The following ARHGAP15 variants were observed in gnomAD, a reference collection of about 807,000 sequenced individuals.
ARHGAP15 encodes the protein rho GTPase-activating protein 15.
A neutral mutation model predicts 63.7 loss-of-function variants in ARHGAP15; 51 were observed. That is an observed-to-expected ratio of 0.80 (90% CI 0.64 to 1.01). ARHGAP15 has a LOEUF of 1.01. Ranked by LOEUF, ARHGAP15 falls within the 50% of genes least tolerant of loss-of-function variation. The pLI is 0.00. For missense variants in ARHGAP15, 560 were observed against 564.6 expected, an observed-to-expected ratio of 0.99 and a Z score of 0.08; for synonymous variants, 191 against 193.8, an observed-to-expected ratio of 0.99 and a Z score of 0.12.
intron 6 of ARHGAP15, among the ~76,000 whole-genome samples, chr2:143,407,580 G>T (rs1688253311): frequency 6.6e-6 from 1 of 151,672 alleles, no homozygotes; most frequent in Non-Finnish European, 1.5e-5. Context: ...GTAGATATTG[G>T]TTTTTTGTTG....
At chr2:143,725,482 T>A (rs928983795) in intron 13 of ARHGAP15, among the ~76,000 whole-genome samples, 1 of 152,236 alleles carries the variant, frequency 6.6e-6, no homozygotes, top group Non-Finnish European at 1.5e-5. Context: ...ATTATCACAA[T>A]TTGAGGATTA....
At chr2:143,742,868 C>T (rs1686013616) in intron 13 of ARHGAP15, among the ~76,000 whole-genome samples, 1 of 152,208 alleles carries the variant, frequency 6.6e-6, no homozygotes, top group African/African-American at 2.4e-5. Context: ...AAAGCCATAA[C>T]CACGACTGCT....
At chr2:143,404,836 G>A (rs1017369064) in intron 6 of ARHGAP15, among the ~76,000 whole-genome samples, 4 of 151,896 alleles carry the variant, frequency 2.6e-5, no homozygotes, top group African/African-American at 9.7e-5. Flanking sequence ...AGTAAATAAC[G>A]GGACTCGTGA....
chr2:143,485,121 G>C (rs1471513203), intron 8 of ARHGAP15, among the ~76,000 whole-genome samples: 1 of 152,134 alleles, frequency 6.6e-6, no homozygotes, highest in African/African-American at 2.4e-5. Flanking sequence ...CATGTGCAGA[G>C]TGTACAGGTT....
chr2:143,317,000 T>G (rs148034002), intron 6 of ARHGAP15, among the ~76,000 whole-genome samples: 303 of 152,280 alleles, frequency 2.0e-3, no homozygotes, highest in African/African-American at 7.0e-3. Flanking sequence ...TCAAATAAAC[T>G]TTTCCTGATT....
chr2:143,491,417 T>C (rs954144601), intron 9 of ARHGAP15, among the ~76,000 whole-genome samples: 7 of 152,242 alleles, frequency 4.6e-5, no homozygotes, highest in Admixed American at 3.3e-4. Context: ...TATGCCCTTA[T>C]GTCAAAATAA....
At chr2:143,419,942 G>C (rs190625347) in intron 6 of ARHGAP15, among the ~76,000 whole-genome samples, 1 of 151,984 alleles carries the variant, frequency 6.6e-6, no homozygotes, top group Admixed American at 6.6e-5. Flanking sequence ...TGTTTTAAAG[G>C]CTTCATCTAA....
chr2:143,312,574 G>C (rs756391653), intron 6 of ARHGAP15, among the ~76,000 whole-genome samples: 7 of 151,966 alleles, frequency 4.6e-5, no homozygotes, highest in Non-Finnish European at 1.0e-4. Context: ...TTTTTTTATA[G>C]TGTATGTTCT....
chr2:143,240,967 G>C (rs1336545038), intron 5 of ARHGAP15, among the ~76,000 whole-genome samples: 2 of 152,066 alleles, frequency 1.3e-5, no homozygotes, highest in East Asian at 3.8e-4. Flanking sequence ...AAATGGATCA[G>C]AGCTTACTGT....
At chr2:143,678,488 T>C (rs975722969) in intron 12 of ARHGAP15, among the ~76,000 whole-genome samples, 1 of 152,200 alleles carries the variant, frequency 6.6e-6, no homozygotes, top group Non-Finnish European at 1.5e-5. Context: ...TCCAACCAAG[T>C]TTGTTCCTTT....
chr2:143,286,373 A>G (rs1245643452), intron 6 of ARHGAP15, among the ~76,000 whole-genome samples: 2 of 152,202 alleles, frequency 1.3e-5, no homozygotes, highest in Non-Finnish European at 1.5e-5. Flanking sequence ...TCCTCTATCC[A>G]TTTTACACAC....
chr2:143,147,924 G>A (rs1052215496), intron 1 of ARHGAP15, among the ~76,000 whole-genome samples: 1 of 152,034 alleles, frequency 6.6e-6, no homozygotes, highest in African/African-American at 2.4e-5. Context: ...GGCCTCAGGG[G>A]TCAAGGATTC....
At chr2:143,733,233 C>T (rs1272967363) in intron 13 of ARHGAP15, among the ~76,000 whole-genome samples, 1 of 152,098 alleles carries the variant, frequency 6.6e-6, no homozygotes, top group Non-Finnish European at 1.5e-5. Context: ...GCTCCATCAG[C>T]GAGCATCATT....
chr2:143,171,527 G>T (rs1690780372), intron 2 of ARHGAP15, among the ~76,000 whole-genome samples: 1 of 152,070 alleles, frequency 6.6e-6, no homozygotes, highest in African/African-American at 2.4e-5. Flanking sequence ...AGAAAGGCAG[G>T]CTGGGGATTT....
chr2:143,155,063 A>G (rs1243637685), intron 1 of ARHGAP15, among the ~76,000 whole-genome samples: 2 of 151,910 alleles, frequency 1.3e-5, no homozygotes, highest in Non-Finnish European at 2.9e-5. Context: ...TTTGTTCACC[A>G]AGAATGGGTG....
intron 11 of ARHGAP15, among the ~76,000 whole-genome samples, chr2:143,602,963 C>T (rs1470433378): frequency 6.6e-6 from 1 of 152,146 alleles, no homozygotes; most frequent in Non-Finnish European, 1.5e-5. Flanking sequence ...TAGGCGTACT[C>T]TAATCTTGCC....
intron 5 of ARHGAP15, among the ~76,000 whole-genome samples, chr2:143,231,554 C>T (rs1251282620): frequency 2.0e-5 from 3 of 152,184 alleles, no homozygotes; most frequent in Admixed American, 2.0e-4. Flanking sequence ...CTTCCTTTGG[C>T]TCTTACCCTT....
Position 143,673,770 on chromosome 2 carries a change from A to ATG in ARHGAP15, c.1139-29648_1139-29647insGT, listed in dbSNP as rs1559118851. 2.8e-3 allele frequency among the ~76,000 whole-genome samples: 278 copies of ATG among 100,974 alleles called. 5 individuals are homozygous for ATG. The highest frequency in any genetic ancestry group is 8.3e-3 in the African/African-American group (274 of 33,062). The allele number at this position is 100,974 out of a possible 152,430, so 66.2% of individuals were successfully genotyped here. A position where few individuals can be genotyped will look rare whatever the true frequency, so the allele number is the denominator to read the frequency against. The stretch of plus-strand genomic sequence containing the variant: ...TGTGTGTGTGTGTGTATATATATAT[A>ATG]TATATATATATATAAACAACTCCTG... On this transcript the variant is annotated intron_variant, in intron 12 of 13. Coordinates refer to ENST00000295095, the MANE Select transcript of ARHGAP15 (RefSeq NM_018460.4).
chr2:143,416,801 T>A (rs1688698192), intron 6 of ARHGAP15, among the ~76,000 whole-genome samples: 1 of 149,304 alleles, frequency 6.7e-6, no homozygotes, highest in Admixed American at 6.7e-5. Flanking sequence ...CTTGCTTCCC[T>A]GCCTGCCACT....
Sources: allele counts gnomAD v4.1 joint callset (sites outside exome capture counted in the v4.1 genomes callset), GRCh38; gene constraint gnomAD v4.1.1; transcripts MANE v1.5; gene names NCBI Gene and HGNC (gene_info 2026-07-23, HGNC 2026-07-21).